The following CCDC150 variants were observed in gnomAD, a reference collection of about 807,000 sequenced individuals.
The protein encoded by CCDC150 is coiled-coil domain-containing protein 150.
CCDC150 carries 151 observed loss-of-function variants against 156.5 expected under a neutral mutation model. That is an observed-to-expected ratio of 0.97 (90% CI 0.85 to 1.10). The LOEUF (loss-of-function observed/expected upper bound fraction) is 1.10, where lower values mean the gene tolerates loss of function less well. CCDC150 is among the 50% of genes least tolerant of loss of function. CCDC150 has a pLI of 0.00. For synonymous variants in CCDC150, 452 were observed against 429.4 expected (o/e 1.05, Z -0.65); for missense variants, 1,312 against 1,268.1 (o/e 1.03, Z -0.53).
intron 15 of CCDC150, among the ~76,000 whole-genome samples, chr2:196,704,078 A>T (rs1051772117): frequency 6.6e-6 from 1 of 152,260 alleles, no homozygotes; most frequent in East Asian, 1.9e-4. Context: ...TATACTAAAC[A>T]TAGTCAAAAC....
At chr2:196,668,889 G>A (rs1694022802) in intron 7 of CCDC150, among the ~76,000 whole-genome samples, 1 of 152,120 alleles carries the variant, frequency 6.6e-6, no homozygotes, top group South Asian at 2.1e-4. Flanking sequence ...GTGGATTCAT[G>A]TGTTCAAAAA....
At chr2:196,653,661 T>C (rs1161262255) in intron 2 of CCDC150, among the ~76,000 whole-genome samples, 2 of 152,216 alleles carry the variant, frequency 1.3e-5, no homozygotes, top group Admixed American at 6.5e-5. Context: ...GAAGTTCCAC[T>C]TTCCCTCGTT....
chr2:196,650,628 G>A lies in CCDC150; in HGVS notation c.176+4124G>A, dbSNP rs112765482. ...AGGCTGATCTCAAACTCCTGACCTC[G>A]TGATCTGCGTGCCTCGGCCTCCCAA... On this transcript the variant is annotated intron_variant, in intron 2 of 27. Coordinates refer to ENST00000389175, the MANE Select transcript of CCDC150 (RefSeq NM_001080539.2). Among the ~76,000 whole-genome samples, 876 of 152,286 alleles carry A rather than the reference G, an allele frequency of 5.8e-3. 10 individuals carry two copies. The highest frequency in any genetic ancestry group is 0.02 in the African/African-American group (821 of 41,562).
At position 196,712,226 on chromosome 2, in the gene CCDC150, A is replaced by G; in HGVS notation, c.1777A>G (p.Lys593Glu). 1.3e-6 allele frequency: 2 copies of G among 1,559,886 alleles called. No individual in the cohort carries two copies. The highest frequency in any genetic ancestry group is 8.7e-7 in the Non-Finnish European group (1 of 1,145,258). ...GAATGATCATCTACGCAAGATGAAT[A>G]AGTATTTACAGACTAAATATGCTCA... Reference protein sequence around the residue: ...LQNDHLRKMNKYLQTKYAQAN... With the variant: ...LQNDHLRKMNEYLQTKYAQAN... The change falls in exon 16 of 28, where the codon AAG (lysine) becomes GAG (glutamate). Residue 593 changes from lysine to glutamate, a missense_variant. Physicochemically the swap from Lys to Glu is moderately conservative, Grantham distance 56. Transcript: ENST00000389175.
At position 196,696,351 on chromosome 2, in the gene CCDC150, C is replaced by A. The variant is rs189780874; in HGVS notation, c.1623+1192C>A. Among the ~76,000 whole-genome samples, 15 of 152,126 alleles carry A rather than the reference C, an allele frequency of 9.9e-5. No individual in the cohort carries two copies. The East Asian group carries it at 2.3e-3, about 23-fold the overall frequency. On this transcript the variant is annotated intron_variant, in intron 14 of 27. Transcript: ENST00000389175. ...ATGACAAGATCCATTAGCTGTAATC[C>A]CTGGTATTATTTCAGACCAACCCTC...
At chr2:196,670,192 G>T (rs1177108632) in intron 8 of CCDC150, among the ~76,000 whole-genome samples, 1 of 152,044 alleles carries the variant, frequency 6.6e-6, no homozygotes, top group African/African-American at 2.4e-5. Context: ...GTTGGTGGTT[G>T]CACAACAGTA....
At chr2:196,652,224 C>T (rs112002585) in intron 2 of CCDC150, among the ~76,000 whole-genome samples, 2,358 of 152,320 alleles carry the variant, frequency 0.015, 33 homozygotes, top group Middle Eastern at 0.048. Context: ...CAATAGTACA[C>T]TAAAGGCTTA....
At chr2:196,701,933 T>C (rs1696240536) in intron 15 of CCDC150, among the ~76,000 whole-genome samples, 1 of 152,206 alleles carries the variant, frequency 6.6e-6, no homozygotes, top group South Asian at 2.1e-4. Context: ...TAAAACATTT[T>C]ATAAAATGTT....
At chr2:196,641,953 A>G (rs1216957902) in intron 1 of CCDC150, among the ~76,000 whole-genome samples, 1 of 152,186 alleles carries the variant, frequency 6.6e-6, no homozygotes, top group African/African-American at 2.4e-5. Context: ...TTACTAGTAT[A>G]TTACTTGTGA....
intron 17 of CCDC150, among the ~76,000 whole-genome samples, chr2:196,716,846 C>CTTTT (rs775962426): frequency 2.3e-4 from 17 of 74,374 alleles, no homozygotes; most frequent in African/African-American, 3.9e-4. Context: ...AAATAACATT[C>CTTTT]TTTTTTTTTT....
At chr2:196,685,046 T>A (rs1221811437) in intron 13 of CCDC150, among the ~76,000 whole-genome samples, 2 of 152,140 alleles carry the variant, frequency 1.3e-5, no homozygotes, top group Non-Finnish European at 2.9e-5. Context: ...GTATTTAATA[T>A]AATTACTGTT....
chr2:196,664,452 C>G (rs954258322), intron 5 of CCDC150, among the ~76,000 whole-genome samples: 3 of 152,186 alleles, frequency 2.0e-5, no homozygotes, highest in African/African-American at 7.2e-5. Context: ...ACAAAAGATA[C>G]AGTTGAGCAG....
intron 15 of CCDC150, among the ~76,000 whole-genome samples, chr2:196,707,831 GT>G (rs1163202057): frequency 6.6e-6 from 1 of 152,152 alleles, no homozygotes; most frequent in African/African-American, 2.4e-5. Context: ...TTTTGAGTGA[GT>G]TTCTTAATGC....
At chr2:196,640,511 C>A (rs1692150983) in intron 1 of CCDC150, among the ~76,000 whole-genome samples, 2 of 152,202 alleles carry the variant, frequency 1.3e-5, no homozygotes, top group Admixed American at 6.5e-5. Flanking sequence ...CCCCAAACTT[C>A]AGATCCACAA....
At chr2:196,664,929 G>A (rs1693756495) in intron 5 of CCDC150, among the ~76,000 whole-genome samples, 1 of 152,012 alleles carries the variant, frequency 6.6e-6, no homozygotes, top group African/African-American at 2.4e-5. Flanking sequence ...TTTGAGTGTC[G>A]GTTTGGTCTG....
At chr2:196,701,293 G>T in intron 15 of CCDC150, 113 bp downstream of exon 15, 1 of 739,082 alleles carries the variant, frequency 1.4e-6, no homozygotes, top group East Asian at 2.8e-5. Context: ...TAAGTCTATA[G>T]TCTCTGAACA....
rs762981980 is a variant in CCDC150, at chr2:196,729,249, C to T, written c.2613C>T (p.Asn871=). ...NFRSVEVSRT[N]RELRQKLAEL... ...GATCAGTGGAAGTGTCCCGGACCAA[C>T]CGAGAGCTGCGACAGAAACTTGCAG... The change falls in exon 23 of 28, where the codon AAC becomes AAT. Residue 871 remains asparagine (N), a synonymous_variant. Transcript: ENST00000389175. 8 of 1,613,868 alleles carry T rather than the reference C, an allele frequency of 5.0e-6. No individual in the cohort carries two copies. In the East Asian group the frequency reaches 1.1e-4, roughly 22 times the overall value.
At chr2:196,698,299 C>G (rs1031584153) in intron 14 of CCDC150, among the ~76,000 whole-genome samples, 1 of 152,112 alleles carries the variant, frequency 6.6e-6, no homozygotes, top group African/African-American at 2.4e-5. Context: ...CAAATATTAT[C>G]ACATTTTGAT....
chr2:196,726,766 G>C (rs1054212137), intron 22 of CCDC150: 1 of 152,300 alleles, frequency 6.6e-6, no homozygotes, highest in Non-Finnish European at 1.5e-5. Flanking sequence ...ATGAAAAGTA[G>C]CCTTTCTTGA....
Sources: allele counts gnomAD v4.1 joint callset (sites outside exome capture counted in the v4.1 genomes callset), GRCh38; gene constraint gnomAD v4.1.1; transcripts MANE v1.5; gene names NCBI Gene and HGNC (gene_info 2026-07-23, HGNC 2026-07-21).